CEACAM5: variants seen among roughly 807,000 people sequenced by gnomAD.
The protein encoded by CEACAM5 is CEA cell adhesion molecule 5.
In CEACAM5, 52 loss-of-function variants were observed where a neutral mutation model predicts 63.0. The ratio of observed to expected loss-of-function variants is 0.83; its 90% confidence interval spans 0.66 to 1.04. The LOEUF is 1.04. CEACAM5 is among the 50% of genes least tolerant of loss of function. The pLI, the probability that CEACAM5 is intolerant of heterozygous loss-of-function variation, is 0.00. For synonymous variants in CEACAM5, 357 were observed against 351.3 expected (o/e 1.02, Z -0.18); for missense variants, 790 against 864.8 (o/e 0.91, Z 1.08).
intron 8 of CEACAM5, among the ~76,000 whole-genome samples, chr19:41,722,230 G>C (rs1555816346): frequency 6.6e-6 from 1 of 151,826 alleles, no homozygotes; most frequent in Non-Finnish European, 1.5e-5. Flanking sequence ...TAGGCATGGT[G>C]GTGGGTGCCT....
intron 2 of CEACAM5, 63 bp from the exon 3 acceptor site, chr19:41,714,908 A>C (rs2072494529): frequency 1.9e-6 from 3 of 1,607,734 alleles, no homozygotes; most frequent in South Asian, 2.2e-5. Flanking sequence ...ACTCTGATTG[A>C]AAGATGCCTG....
At chr19:41,718,742 C>T (rs2072569356) in intron 6 of CEACAM5, among the ~76,000 whole-genome samples, 1 of 152,218 alleles carries the variant, frequency 6.6e-6, no homozygotes, top group African/African-American at 2.4e-5. Context: ...GTTCTTTTAC[C>T]TAATCCATGA....
intron 8 of CEACAM5, among the ~76,000 whole-genome samples, chr19:41,726,875 C>G (rs1463240649): frequency 3.3e-5 from 5 of 152,134 alleles, no homozygotes; most frequent in African/African-American, 1.2e-4. Flanking sequence ...AAGTCCCTGC[C>G]ACAGAGACCC....
chr19:41,712,528 A>G (rs1489392749), intron 2 of CEACAM5, among the ~76,000 whole-genome samples: 1 of 152,138 alleles, frequency 6.6e-6, no homozygotes, highest in Non-Finnish European at 1.5e-5. Context: ...AAATTTACTA[A>G]CATCACACAC....
chr19:41,710,175 A>G, intron 2 of CEACAM5, 136 bp downstream of exon 2: 1 of 1,295,050 alleles, frequency 7.7e-7, no homozygotes, highest in Non-Finnish European at 1.1e-6. Flanking sequence ...TTAGTGCAGG[A>G]TACACACAGA....
intron 8 of CEACAM5, among the ~76,000 whole-genome samples, chr19:41,723,781 A>C (rs1555816650): frequency 1.3e-5 from 2 of 151,928 alleles, no homozygotes; most frequent in Non-Finnish European, 2.9e-5. Context: ...CCCCGTCTCT[A>C]CTAAAAATAC....
chr19:41,711,395 C>T (rs147332171), intron 2 of CEACAM5, among the ~76,000 whole-genome samples: 6 of 152,320 alleles, frequency 3.9e-5, no homozygotes, highest in East Asian at 1.9e-4. Flanking sequence ...GTGAGACACA[C>T]GCTTGCTCAG....
rs567393688 is a variant in CEACAM5, at chr19:41,727,100, C to T, written c.2027-134C>T. 93 of 768,480 alleles carry T rather than the reference C, an allele frequency of 1.2e-4. No individual in the cohort carries two copies. The East Asian group carries it at 1.8e-3, about 15-fold the overall frequency. The allele number at this position is 768,480 out of a possible 1,614,324, so 47.6% of individuals were successfully genotyped here. On this transcript the variant is annotated intron_variant, in intron 8 of 9. Coordinates refer to ENST00000221992, the MANE Select transcript of CEACAM5 (RefSeq NM_004363.6). ...GTGAGAGAGAAAAAATTGCAACTTT[C>T]CCACAAAACTAATGCATTCCTTGAA...
At chr19:41,725,926 T>A (rs1173901198) in intron 8 of CEACAM5, among the ~76,000 whole-genome samples, 1 of 152,214 alleles carries the variant, frequency 6.6e-6, no homozygotes, top group Admixed American at 6.5e-5. Flanking sequence ...ATTTGAGATC[T>A]CTCTTTATAT....
intron 6 of CEACAM5, 106 bp from the exon 7 acceptor site, chr19:41,719,824 G>C: frequency 1.3e-6 from 2 of 1,560,506 alleles, no homozygotes; most frequent in East Asian, 2.2e-5. Context: ...GGGCTTTTAA[G>C]GACTCGGGTG....
intron 8 of CEACAM5, among the ~76,000 whole-genome samples, chr19:41,724,953 C>T (rs117622752): frequency 0.012 from 1,788 of 151,354 alleles, 18 homozygotes; most frequent in Non-Finnish European, 0.013. Context: ...CTTTTTTTTT[C>T]TTGCCTAATT....
At chr19:41,718,502 A>C in intron 6 of CEACAM5, 120 bp downstream of exon 6, 1 of 1,035,478 alleles carries the variant, frequency 9.7e-7, no homozygotes, top group Non-Finnish European at 1.4e-6. Context: ...AAGCAATCCC[A>C]AATTCAATCC....
chr19:41,709,359 G>T (rs1166022927), intron 1 of CEACAM5, among the ~76,000 whole-genome samples: 1 of 152,288 alleles, frequency 6.6e-6, no homozygotes, highest in South Asian at 2.1e-4. Context: ...AAGACCCAGG[G>T]TCTCTAGAGG....
intron 8 of CEACAM5, among the ~76,000 whole-genome samples, chr19:41,724,903 T>A (rs1555816824): frequency 6.6e-6 from 1 of 152,256 alleles, no homozygotes; most frequent in Non-Finnish European, 1.5e-5. Context: ...CCAAGTTATC[T>A]GAAAACACAG....
chr19:41,720,162 C>G lies in CEACAM5; in HGVS notation c.1725C>G (p.Asn575Lys), dbSNP rs924326217. The change falls in exon 7 of 10, where the codon AAC (asparagine) becomes AAG (lysine). Residue 575 changes from asparagine to lysine, a missense_variant. By Grantham distance (94) the Asn-to-Lys change is moderately conservative. Coordinates refer to ENST00000221992, the MANE Select transcript of CEACAM5 (RefSeq NM_004363.6). ...GAGCCTATGTATGTGGAATCCAGAA[C>G]TCAGTGAGTGCAAACCGCAGTGACC... is the stretch of plus-strand genomic sequence containing the variant. ...DARAYVCGIQ[N>K]SVSANRSDPV... 1 of 1,614,266 alleles carries G rather than the reference C, an allele frequency of 6.2e-7. No individual in the cohort carries two copies. Among genetic ancestry groups the G allele is most frequent in the Non-Finnish European group, 8.5e-7 (1 of 1,180,044 alleles).
chr19:41,726,547 G>A (rs1471169201), intron 8 of CEACAM5, among the ~76,000 whole-genome samples: 1 of 152,214 alleles, frequency 6.6e-6, no homozygotes, highest in Non-Finnish European at 1.5e-5. Context: ...GGAATTAGAG[G>A]TGCAAGATAA....
At chr19:41,716,459 G>A (rs2072528524) in intron 4 of CEACAM5, among the ~76,000 whole-genome samples, 1 of 152,194 alleles carries the variant, frequency 6.6e-6, no homozygotes, top group Admixed American at 6.5e-5. Flanking sequence ...GAGCCCGGGT[G>A]GTCTGTCCTG....
rs1555813679 is a variant in CEACAM5, at chr19:41,709,797, A to G, written c.182A>G (p.His61Arg). ...CTACTTGTCCACAATCTGCCCCAGCATCTTTTTGGCTACAGCTGGTACAAA... is the reference window on the plus strand; with the variant it reads ...CTACTTGTCCACAATCTGCCCCAGCGTCTTTTTGGCTACAGCTGGTACAAA... ...VLLLVHNLPQ[H>R]LFGYSWYKGE... Residue 61 changes from histidine (H) to arginine (R), a missense_variant, in exon 2 of 10, where the codon CAT becomes CGT. His to Arg is a conservative substitution (Grantham distance 29). Transcript: ENST00000221992. The G allele has an allele frequency of 1.2e-6, 2 of 1,614,176 alleles. No individual in the cohort carries two copies. The highest frequency in any genetic ancestry group is 1.7e-6 in the Non-Finnish European group (2 of 1,180,030).
chr19:41,716,048 AAT>A (rs2072522360), intron 4 of CEACAM5, 144 bp downstream of exon 4: 1 of 909,926 alleles, frequency 1.1e-6, no homozygotes, highest in African/African-American at 1.7e-5. Flanking sequence ...GAACCTCCCC[AAT>A]ATGTCTCTAC....
Sources: allele counts gnomAD v4.1 joint callset (sites outside exome capture counted in the v4.1 genomes callset), GRCh38; gene constraint gnomAD v4.1.1; transcripts MANE v1.5; gene names NCBI Gene and HGNC (gene_info 2026-07-23, HGNC 2026-07-21).